FRMD3: variants seen among roughly 807,000 people sequenced by gnomAD.
The protein encoded by FRMD3 is FERM domain-containing protein 3.
Under a neutral mutation model 70.2 loss-of-function variants are expected in FRMD3, and 33 were observed. The ratio of observed to expected loss-of-function variants is 0.47; its 90% CI spans 0.36 to 0.63. FRMD3 has a LOEUF of 0.63. Ranked by LOEUF, FRMD3 falls within the 20% of genes least tolerant of loss-of-function variation. The pLI, the probability that FRMD3 is intolerant of heterozygous loss-of-function variation, is 0.00. For missense variants in FRMD3, 632 were observed against 711.4 expected (o/e 0.89, Z 1.27); for synonymous variants, 279 against 255.9 (o/e 1.09, Z -0.86).
chr9:83,352,658 T>C (rs1824199791), intron 3 of FRMD3, among the ~76,000 whole-genome samples: 1 of 152,136 alleles, frequency 6.6e-6, no homozygotes, highest in Non-Finnish European at 1.5e-5. Context: ...AAAATAAACA[T>C]CCTGGTCCTC....
chr9:83,447,651 G>A (rs1356722492), intron 1 of FRMD3, among the ~76,000 whole-genome samples: 1 of 152,156 alleles, frequency 6.6e-6, no homozygotes, highest in Non-Finnish European at 1.5e-5. Flanking sequence ...CCCAGAGCAG[G>A]CAGACAGGCC....
At chr9:83,468,194 C>A (rs1015241713) in intron 1 of FRMD3, among the ~76,000 whole-genome samples, 1 of 152,152 alleles carries the variant, frequency 6.6e-6, no homozygotes, top group African/African-American at 2.4e-5. Context: ...CATTTGAAAT[C>A]ATTTCTGTAA....
intron 1 of FRMD3, among the ~76,000 whole-genome samples, chr9:83,510,275 G>A (rs1413104170): frequency 1.3e-5 from 2 of 152,168 alleles, no homozygotes; most frequent in Non-Finnish European, 2.9e-5. Context: ...AGATGCAGAT[G>A]GAAGTTATCA....
chr9:83,426,456 C>T (rs1415770623), intron 1 of FRMD3, among the ~76,000 whole-genome samples: 1 of 152,226 alleles, frequency 6.6e-6, no homozygotes, highest in Non-Finnish European at 1.5e-5. Flanking sequence ...CAGAGGCCGG[C>T]CCCGGTGCTA....
At chr9:83,541,935 A>AT (rs1230711215), upstream of FRMD3, among the ~76,000 whole-genome samples, 1 of 152,022 alleles carries the variant, frequency 6.6e-6, no homozygotes, top group East Asian at 1.9e-4. Context: ...ACATTTTTTT[A>AT]TTTTTTATTA....
At chr9:83,543,599 G>T in the FRMD3 span, among the ~76,000 whole-genome samples, 1 of 152,124 alleles carries the variant, frequency 6.6e-6, no homozygotes, top group Non-Finnish European at 1.5e-5. Flanking sequence ...ACATCCCTCA[G>T]CACCCACTGA....
At chr9:83,408,409 T>A (rs536380161) in intron 1 of FRMD3, among the ~76,000 whole-genome samples, 142 of 152,200 alleles carry the variant, frequency 9.3e-4, no homozygotes, top group African/African-American at 3.3e-3. Context: ...TGTCATGTCC[T>A]AAGAACCCCC....
intron 6 of FRMD3, among the ~76,000 whole-genome samples, chr9:83,321,843 G>A (rs1339928585): frequency 6.6e-6 from 1 of 152,044 alleles, no homozygotes; most frequent in Non-Finnish European, 1.5e-5. Context: ...TCTGTTTTTT[G>A]AATGGGGGTG....
At chr9:83,341,402 CA>C (rs1199130658) in intron 5 of FRMD3, among the ~76,000 whole-genome samples, 12 of 152,074 alleles carry the variant, frequency 7.9e-5, no homozygotes, top group African/African-American at 2.9e-4. Flanking sequence ...GCGAGCTTTC[CA>C]TTATAGATCC....
intron 3 of FRMD3, among the ~76,000 whole-genome samples, chr9:83,355,574 A>T (rs1045285347): frequency 1.3e-4 from 20 of 152,202 alleles, no homozygotes; most frequent in African/African-American, 4.8e-4. Context: ...TGCTCTGCAG[A>T]GGTCACAGTG....
intron 1 of FRMD3, among the ~76,000 whole-genome samples, chr9:83,452,353 C>T (rs1029976244): frequency 2.0e-5 from 3 of 152,100 alleles, no homozygotes; most frequent in African/African-American, 4.8e-5. Context: ...CTTGTTACAA[C>T]GTAGGCACAG....
intron 1 of FRMD3, among the ~76,000 whole-genome samples, chr9:83,392,660 T>G (rs967717535): frequency 6.6e-6 from 1 of 152,086 alleles, no homozygotes; most frequent in Non-Finnish European, 1.5e-5. Flanking sequence ...ATGGAAAACA[T>G]GAGGTCTGGG....
At chr9:83,576,290 A>T in the FRMD3 span, among the ~76,000 whole-genome samples, 1 of 151,852 alleles carries the variant, frequency 6.6e-6, no homozygotes, top group Non-Finnish European at 1.5e-5. Flanking sequence ...AAAAGACAAA[A>T]CCATATGATC....
At chr9:83,391,033 C>G (rs1825652275) in intron 1 of FRMD3, among the ~76,000 whole-genome samples, 1 of 152,170 alleles carries the variant, frequency 6.6e-6, no homozygotes, top group South Asian at 2.1e-4. Context: ...GCAAGCGTGG[C>G]TGAAACAGGG....
chr9:83,329,469 C>A (rs911412248), intron 6 of FRMD3, among the ~76,000 whole-genome samples: 3 of 152,156 alleles, frequency 2.0e-5, no homozygotes, highest in Non-Finnish European at 1.5e-5. Context: ...TAAGAGGGCC[C>A]TTGTGATCTA....
At chr9:83,413,038 A>T (rs980867694) in intron 1 of FRMD3, among the ~76,000 whole-genome samples, 1 of 152,138 alleles carries the variant, frequency 6.6e-6, no homozygotes, top group African/African-American at 2.4e-5. Context: ...GAAAAGAAAG[A>T]TAAGAAAAAG....
At chr9:83,419,051 C>T (rs1386755170) in intron 1 of FRMD3, among the ~76,000 whole-genome samples, 1 of 152,022 alleles carries the variant, frequency 6.6e-6, no homozygotes, top group African/African-American at 2.4e-5. Context: ...AATCAAAAAC[C>T]GTATGTTCTC....
the FRMD3 span, among the ~76,000 whole-genome samples, chr9:83,579,056 T>C: frequency 2.0e-5 from 3 of 151,790 alleles, no homozygotes; most frequent in Admixed American, 2.0e-4. Context: ...CAATTACATT[T>C]ACAATAGTAA....
At chr9:83,466,163 C>T (rs1828121525) in intron 1 of FRMD3, among the ~76,000 whole-genome samples, 1 of 152,224 alleles carries the variant, frequency 6.6e-6, no homozygotes, top group South Asian at 2.1e-4. Context: ...CTCTGGAATT[C>T]AGTCTGGCCC....
Sources: gnomAD v4.1 joint callset for allele counts (sites outside exome capture counted in the v4.1 genomes callset) on GRCh38, gnomAD v4.1.1 for gene constraint, MANE v1.5 for transcripts, NCBI Gene and HGNC (gene_info 2026-07-23, HGNC 2026-07-21) for gene names.